The following CCNJL variants were observed in gnomAD, a reference collection of about 807,000 sequenced individuals.
CCNJL encodes the protein cyclin-J-like protein.
CCNJL carries 33 observed loss-of-function variants against 33.4 expected under a neutral mutation model. That is an observed-to-expected ratio of 0.99 (90% confidence interval 0.75 to 1.32). The LOEUF (loss-of-function observed/expected upper bound fraction) is 1.32, where lower values mean the gene tolerates loss of function less well. Among genes scored for constraint, CCNJL ranks in the 40% most tolerant of loss-of-function variants. The pLI, the probability that CCNJL is intolerant of heterozygous loss-of-function variation, is 0.00. For missense variants in CCNJL, 512 were observed against 499.7 expected, an observed-to-expected ratio of 1.02 and a Z score of -0.23; for synonymous variants, 227 against 220.9, an observed-to-expected ratio of 1.03 and a Z score of -0.24.
rs973408062 is a variant in CCNJL at position 160,250,968 on chromosome 5, G to A, written c.*2410C>T. The A allele has an allele frequency of 2.0e-5, 3 of 152,178 alleles. No homozygotes were observed. Among genetic ancestry groups the A allele is most frequent in the South Asian group, 2.1e-4 (1 of 4,830 alleles). 9.4% of individuals were successfully genotyped at this position (152,178 alleles called of 1,614,324 possible). Reference sequence around the variant, plus strand: ...AGATGGAGGCTCAGAGAGAGGTTGGGTCAACTGCCTTCCAACAGCTGGTAA... The same window carrying A: ...AGATGGAGGCTCAGAGAGAGGTTGGATCAACTGCCTTCCAACAGCTGGTAA... On this transcript the variant is annotated 3_prime_UTR_variant, in exon 6 of 6. Transcript: ENST00000257536.
intron 2 of CCNJL, among the ~76,000 whole-genome samples, chr5:160,295,780 C>G (rs1412926968): frequency 6.6e-6 from 1 of 152,200 alleles, no homozygotes; most frequent in Admixed American, 6.5e-5. Context: ...CTAGAGCCTT[C>G]AGAGGGAACC....
intron 4 of CCNJL, 44 bp downstream of exon 4, chr5:160,259,423 GGT>G: frequency 6.4e-7 from 1 of 1,553,134 alleles, no homozygotes; most frequent in South Asian, 1.2e-5. Flanking sequence ...ACCCCTGGGT[GGT>G]GGGGAAGGGG....
chr5:160,267,597 T>C (rs1398726518), intron 3 of CCNJL, among the ~76,000 whole-genome samples: 1 of 152,238 alleles, frequency 6.6e-6, no homozygotes, highest in African/African-American at 2.4e-5. Flanking sequence ...CCTGCAATCC[T>C]ATAAGCTCCA....
chr5:160,268,607 A>T (rs1761705067), intron 3 of CCNJL, among the ~76,000 whole-genome samples: 1 of 152,198 alleles, frequency 6.6e-6, no homozygotes, highest in Non-Finnish European at 1.5e-5. Context: ...CTTCATCTGT[A>T]AGAGGGTGCT....
chr5:160,255,969 G>T (rs1761046807), intron 4 of CCNJL, among the ~76,000 whole-genome samples: 1 of 152,102 alleles, frequency 6.6e-6, no homozygotes, highest in South Asian at 2.1e-4. Context: ...GCTCACTGCA[G>T]CCTCAACTTC....
Position 160,253,121 on chromosome 5 carries a change from G to C in CCNJL, c.*257C>G, listed in dbSNP as rs1386529096. On this transcript the variant is annotated 3_prime_UTR_variant, in exon 6 of 6. Coordinates refer to ENST00000257536, the MANE Select transcript of CCNJL (RefSeq NM_001308173.3). The stretch of plus-strand genomic sequence containing the variant: ...TTCTCGATTCACTGGGCCCCTGTGT[G>C]GGGGGACGGCCACCAAGCCATCCTT... 1.8e-5 allele frequency: 7 copies of C among 392,212 alleles called. No individual in the cohort carries two copies. The highest frequency in any genetic ancestry group is 4.1e-5 in the African/African-American group (2 of 48,944). 24.3% of individuals were successfully genotyped at this position (392,212 alleles called of 1,614,324 possible). A position where few individuals can be genotyped will look rare whatever the true frequency, so the allele number is the denominator to read the frequency against.
intron 1 of CCNJL, among the ~76,000 whole-genome samples, chr5:160,338,800 C>CTTCT (rs566613090): frequency 6.0e-5 from 9 of 150,934 alleles, no homozygotes; most frequent in East Asian, 1.9e-4. Context: ...TCTTCTTCTT[C>CTTCT]TTTTTTTTTG....
chr5:160,307,796 G>C (rs1261033349), intron 2 of CCNJL, among the ~76,000 whole-genome samples: 3 of 152,162 alleles, frequency 2.0e-5, no homozygotes, highest in African/African-American at 7.2e-5. Context: ...GATGCAGCAG[G>C]GACAGGAAGA....
intron 4 of CCNJL, among the ~76,000 whole-genome samples, chr5:160,257,633 C>G (rs1315303365): frequency 2.0e-5 from 3 of 150,974 alleles, no homozygotes; most frequent in Non-Finnish European, 4.4e-5. Context: ...GGCAATATAG[C>G]GAGACCCCGT....
chr5:160,304,358 T>C (rs1236050017), intron 2 of CCNJL, among the ~76,000 whole-genome samples: 1 of 152,204 alleles, frequency 6.6e-6, no homozygotes, highest in Non-Finnish European at 1.5e-5. Flanking sequence ...CGGTTTTCAA[T>C]TCTTCCCAGT....
At chr5:160,292,841 C>T (rs1171293302) in intron 2 of CCNJL, among the ~76,000 whole-genome samples, 1 of 152,156 alleles carries the variant, frequency 6.6e-6, no homozygotes, top group African/African-American at 2.4e-5. Context: ...AACTATGCAC[C>T]TAGCAGTCAT....
Position 160,250,032 on chromosome 5 carries a change from A to C in CCNJL, c.*3346T>G, listed in dbSNP as rs1402464975. On this transcript the variant is annotated 3_prime_UTR_variant, in exon 6 of 6. Coordinates refer to ENST00000257536, the MANE Select transcript of CCNJL (RefSeq NM_001308173.3). ...TGCCAGCCCTGGGAGGAACTTTAAG[A>C]CTATCTTTGTGCTTTTTAAAGCTTT... 6.6e-6 allele frequency: 1 copy of C among 151,926 alleles called. No individual in the cohort carries two copies. The highest frequency in any genetic ancestry group is 1.5e-5 in the Non-Finnish European group (1 of 68,004). 9.4% of individuals were successfully genotyped at this position (151,926 alleles called of 1,614,324 possible). A position where few individuals can be genotyped will look rare whatever the true frequency, so the allele number is the denominator to read the frequency against.
intron 2 of CCNJL, among the ~76,000 whole-genome samples, chr5:160,297,859 G>A (rs1185471838): frequency 6.6e-6 from 1 of 152,174 alleles, no homozygotes; most frequent in Non-Finnish European, 1.5e-5. Flanking sequence ...AAAACCAAAA[G>A]TTAACACAAA....
At chr5:160,266,529 C>T (rs1761595662) in intron 3 of CCNJL, among the ~76,000 whole-genome samples, 1 of 152,158 alleles carries the variant, frequency 6.6e-6, no homozygotes, top group South Asian at 2.1e-4. Flanking sequence ...GGCTCAAGTG[C>T]CAGTTTCCCA....
At chr5:160,320,833 CTTTCTTTCTTTCTTTCCTTCT>C (rs1561812481) in intron 1 of CCNJL, among the ~76,000 whole-genome samples, 53 of 119,600 alleles carry the variant, frequency 4.4e-4, no homozygotes, top group African/African-American at 1.1e-3. Flanking sequence ...TTCTTTCTTT[CTTTCTTTCTTTCTTTCCTTCT>C]TTCTTTCTTT....
intron 1 of CCNJL, among the ~76,000 whole-genome samples, chr5:160,328,879 C>CAAAAA (rs558876567): frequency 7.1e-6 from 1 of 139,880 alleles, no homozygotes; most frequent in African/African-American, 2.6e-5. Context: ...GACTCTGTCT[C>CAAAAA]AAAAAAAAAA....
chr5:160,272,518 G>C (rs1761871954), intron 3 of CCNJL, among the ~76,000 whole-genome samples: 1 of 152,214 alleles, frequency 6.6e-6, no homozygotes, highest in South Asian at 2.1e-4. Flanking sequence ...GGCTCTCGTG[G>C]CTGGGAGCAC....
At chr5:160,279,633 C>T (rs984967435) in intron 3 of CCNJL, among the ~76,000 whole-genome samples, 22 of 152,052 alleles carry the variant, frequency 1.4e-4, no homozygotes, top group Non-Finnish European at 1.9e-4. Context: ...TCTAGAGCCT[C>T]GGTGATGTTT....
intron 1 of CCNJL, among the ~76,000 whole-genome samples, chr5:160,326,005 C>G (rs991246287): frequency 5.3e-5 from 8 of 152,136 alleles, no homozygotes; most frequent in African/African-American, 1.9e-4. Context: ...AAAAAGTTTG[C>G]CAACTCCTGC....
Sources: gnomAD v4.1 joint callset for allele counts (sites outside exome capture counted in the v4.1 genomes callset) on GRCh38, gnomAD v4.1.1 for gene constraint, MANE v1.5 for transcripts, NCBI Gene and HGNC (gene_info 2026-07-23, HGNC 2026-07-21) for gene names.